The following DCUN1D4 variants were observed in gnomAD, a reference collection of about 807,000 sequenced individuals.
DCUN1D4 encodes the protein DCN1-like protein 4.
In DCUN1D4, 22 loss-of-function variants were observed where a neutral mutation model predicts 47.9. That is an observed-to-expected ratio of 0.46 (90% CI 0.33 to 0.66). The LOEUF is 0.66. DCUN1D4 is among the 30% of genes least tolerant of loss of function. The probability of loss-of-function intolerance (pLI) is 0.02; values close to 1 mark genes in which losing one functional copy is unlikely to be tolerated. For missense variants in DCUN1D4, 301 were observed against 340.8 expected, an observed-to-expected ratio of 0.88 and a Z score of 0.92; for synonymous variants, 121 against 112.2, an observed-to-expected ratio of 1.08 and a Z score of -0.50.
intron 3 of DCUN1D4, 27 bp from the exon 4 acceptor site, chr4:51,874,244 T>G (rs764995310): frequency 2.6e-6 from 4 of 1,540,700 alleles, no homozygotes; most frequent in Admixed American, 3.5e-5. Context: ...ATACCTTAAT[T>G]TTGTGCTCTT....
At chr4:51,892,310 T>C (rs1425695486) in intron 7 of DCUN1D4, among the ~76,000 whole-genome samples, 1 of 152,246 alleles carries the variant, frequency 6.6e-6, no homozygotes, top group East Asian at 1.9e-4. Flanking sequence ...TTCTCATGGT[T>C]AGTCTTCAAA....
chr4:51,911,053 T>G lies in DCUN1D4; in HGVS notation c.616-17T>G. 1 of 1,612,388 alleles carries G rather than the reference T, an allele frequency of 6.2e-7. No homozygotes were observed. Among genetic ancestry groups the G allele is most frequent in the East Asian group, 2.2e-5 (1 of 44,866 alleles). On this transcript the variant is annotated splice_polypyrimidine_tract_variant and intron_variant, in intron 8 of 10. Transcript: ENST00000334635. ...TTGGGGGCATCTGGCTCATCCTTGT[T>G]TTTGTTTGTTAAACAGGAAAAGGAC... is the stretch of plus-strand genomic sequence containing the variant.
intron 4 of DCUN1D4, among the ~76,000 whole-genome samples, chr4:51,877,264 C>T (rs535312023): frequency 2.0e-4 from 31 of 152,210 alleles, no homozygotes; most frequent in Middle Eastern, 3.4e-3. Flanking sequence ...ATTTTTTTCC[C>T]GGAAGCTTGG....
intron 1 of DCUN1D4, among the ~76,000 whole-genome samples, chr4:51,847,819 C>G (rs1464994227): frequency 2.6e-5 from 4 of 152,092 alleles, no homozygotes; most frequent in African/African-American, 9.7e-5. Flanking sequence ...AGCAGACTCT[C>G]CTTTCATGGA....
chr4:51,861,940 A>G (rs946272737), intron 1 of DCUN1D4, among the ~76,000 whole-genome samples: 1 of 152,134 alleles, frequency 6.6e-6, no homozygotes, highest in African/African-American at 2.4e-5. Context: ...ATAAATATAA[A>G]TGTAAATAAA....
intron 1 of DCUN1D4, among the ~76,000 whole-genome samples, chr4:51,857,528 A>G (rs1724323327): frequency 6.6e-6 from 1 of 152,210 alleles, no homozygotes; most frequent in African/African-American, 2.4e-5. Context: ...AGTTTGGTGG[A>G]ATAAGTTGTT....
At chr4:51,853,611 G>A (rs909838469) in intron 1 of DCUN1D4, among the ~76,000 whole-genome samples, 10 of 152,184 alleles carry the variant, frequency 6.6e-5, no homozygotes, top group African/African-American at 2.4e-4. Flanking sequence ...CTACTTCTCT[G>A]GTTGCATGTT....
At chr4:51,886,064 C>T (rs777896910) in intron 5 of DCUN1D4, among the ~76,000 whole-genome samples, 1 of 152,164 alleles carries the variant, frequency 6.6e-6, no homozygotes, top group Non-Finnish European at 1.5e-5. Context: ...GTGGACGCTT[C>T]CTTCAGGAAG....
At chr4:51,846,061 G>T (rs1020758440) in intron 1 of DCUN1D4, among the ~76,000 whole-genome samples, 2 of 152,148 alleles carry the variant, frequency 1.3e-5, no homozygotes, top group East Asian at 3.9e-4. Flanking sequence ...TGTTTTTAAA[G>T]AAAATATGAA....
At chr4:51,851,675 A>G (rs992141836) in intron 1 of DCUN1D4, among the ~76,000 whole-genome samples, 3 of 152,086 alleles carry the variant, frequency 2.0e-5, no homozygotes, top group Non-Finnish European at 4.4e-5. Context: ...ACAGGGAGGG[A>G]GGAGGAGCAA....
At chr4:51,880,560 T>A (rs1404988471) in intron 5 of DCUN1D4, among the ~76,000 whole-genome samples, 1 of 152,212 alleles carries the variant, frequency 6.6e-6, no homozygotes, top group Non-Finnish European at 1.5e-5. Flanking sequence ...AGTTTCTGTC[T>A]GGCCAGTTAA....
chr4:51,840,066 C>T (rs1452710056), upstream of DCUN1D4, among the ~76,000 whole-genome samples: 1 of 152,008 alleles, frequency 6.6e-6, no homozygotes, highest in Non-Finnish European at 1.5e-5. Context: ...TCAATATTAC[C>T]TTAAAGCAGT....
intron 6 of DCUN1D4, among the ~76,000 whole-genome samples, chr4:51,889,479 T>A (rs1730082681): frequency 6.6e-6 from 1 of 152,256 alleles, no homozygotes; most frequent in South Asian, 2.1e-4. Flanking sequence ...AGATTTCTTG[T>A]TAGTTAACTT....
intron 1 of DCUN1D4, among the ~76,000 whole-genome samples, chr4:51,856,616 A>G (rs1218909528): frequency 6.6e-6 from 1 of 152,208 alleles, no homozygotes; most frequent in Non-Finnish European, 1.5e-5. Context: ...GTAGCCTTGG[A>G]TTGGGAGTTA....
chr4:51,863,206 T>C (rs962891894), intron 1 of DCUN1D4, among the ~76,000 whole-genome samples: 2 of 152,228 alleles, frequency 1.3e-5, no homozygotes, highest in Non-Finnish European at 2.9e-5. Context: ...CTTTTTGTTT[T>C]ACCTTAGAAT....
At chr4:51,852,242 G>T (rs996679022) in intron 1 of DCUN1D4, among the ~76,000 whole-genome samples, 7 of 152,146 alleles carry the variant, frequency 4.6e-5, no homozygotes, top group African/African-American at 1.4e-4. Flanking sequence ...CTGAAGAATT[G>T]TGGCAAAGTA....
intron 6 of DCUN1D4, among the ~76,000 whole-genome samples, chr4:51,890,789 T>A (rs538943829): frequency 6.6e-6 from 1 of 152,354 alleles, no homozygotes; most frequent in South Asian, 2.1e-4. Flanking sequence ...GGTGCACCTT[T>A]GAAATGTCAT....
intron 1 of DCUN1D4, 141 bp downstream of exon 1, chr4:51,843,408 G>C: frequency 7.8e-7 from 1 of 1,284,842 alleles, no homozygotes. Context: ...TTCCCCTCCC[G>C]GGGCCGGGGC....
chr4:51,883,698 G>T (rs1729042466), intron 5 of DCUN1D4, among the ~76,000 whole-genome samples: 1 of 152,140 alleles, frequency 6.6e-6, no homozygotes, highest in Non-Finnish European at 1.5e-5. Flanking sequence ...AGGCCAAAGA[G>T]AATTGCCTGG....
Sources: gnomAD v4.1 joint callset for allele counts (sites outside exome capture counted in the v4.1 genomes callset) on GRCh38, gnomAD v4.1.1 for gene constraint, MANE v1.5 for transcripts, NCBI Gene and HGNC (gene_info 2026-07-23, HGNC 2026-07-21) for gene names.